Variants in RBFOX1 observed in about 807,000 individuals in gnomAD.
RBFOX1 encodes the protein RNA binding fox-1 homolog 1.
RBFOX1 carries 8 observed loss-of-function variants against 57.7 expected under a neutral mutation model. That is an observed-to-expected ratio of 0.14 (90% CI 0.08 to 0.25). The LOEUF (loss-of-function observed/expected upper bound fraction) is 0.25, where lower values mean the gene tolerates loss of function less well. RBFOX1 is among the 10% of genes least tolerant of loss of function. RBFOX1 has a pLI of 1.00. For synonymous variants in RBFOX1, 326 were observed against 222.4 expected, an observed-to-expected ratio of 1.47 and a Z score of -4.15; for missense variants, 611 against 548.5, an observed-to-expected ratio of 1.11 and a Z score of -1.14.
rs377716828 is a variant in RBFOX1 at position 7,685,860 on chromosome 16, C to A, written c.995+9022C>A. On this transcript the variant is annotated intron_variant, in intron 14 of 15. Coordinates refer to ENST00000550418, the MANE Select transcript of RBFOX1 (RefSeq NM_018723.4). ...AGATCTTTTATTCTCATTGGACCTA[C>A]TCTGATATAGACATGCACTAGCAAA... 3.9e-5 allele frequency among the ~76,000 whole-genome samples: 6 copies of A among 152,088 alleles called. No individual in the cohort carries two copies. In the East Asian group the frequency reaches 9.7e-4, roughly 25 times the overall value.
chr16:6,922,011 G>C (rs1259231529), intron 3 of RBFOX1, among the ~76,000 whole-genome samples: 1 of 152,100 alleles, frequency 6.6e-6, no homozygotes, highest in African/African-American at 2.4e-5. Flanking sequence ...CTAACACCTT[G>C]TGGCTATTTA....
At chr16:7,213,362 T>C (rs1312129676) in intron 4 of RBFOX1, among the ~76,000 whole-genome samples, 2 of 152,180 alleles carry the variant, frequency 1.3e-5, no homozygotes, top group Non-Finnish European at 2.9e-5. Context: ...AATACGGGAC[T>C]CAGTGATCAG....
At chr16:7,301,814 T>A (rs1170153820) in intron 4 of RBFOX1, among the ~76,000 whole-genome samples, 20 of 151,962 alleles carry the variant, frequency 1.3e-4, no homozygotes, top group Admixed American at 1.3e-3. Flanking sequence ...CAGTAAAGAA[T>A]GGGAAAGGGA....
rs755410792 is a variant in RBFOX1, at chr16:6,169,198, G to T, written c.-126-147797G>T. Among the ~76,000 whole-genome samples, 39 of 152,138 alleles carry T rather than the reference G, an allele frequency of 2.6e-4. 1 individual carries two copies. The highest frequency in any genetic ancestry group is 4.7e-4 in the Non-Finnish European group (32 of 68,042). ...ATGATCACTGACCTTTAGCTCTAGG[G>T]TCATTGACTTGGTAGATGGAACTTG... On this transcript the variant is annotated intron_variant, in intron 1 of 15. Coordinates refer to ENST00000550418, the MANE Select transcript of RBFOX1 (RefSeq NM_018723.4).
intron 3 of RBFOX1, among the ~76,000 whole-genome samples, chr16:7,047,800 C>G (rs1431677228): frequency 1.8e-5 from 2 of 113,998 alleles, no homozygotes; most frequent in South Asian, 3.0e-4. Context: ...TTTATGTACT[C>G]AAGTTTACTT....
intron 4 of RBFOX1, among the ~76,000 whole-genome samples, chr16:7,221,147 C>T (rs1451506107): frequency 6.6e-6 from 1 of 152,066 alleles, no homozygotes; most frequent in Admixed American, 6.6e-5. Flanking sequence ...ACTTGAATGT[C>T]TCTATAATAT....
chr16:7,460,370 A>AATATATATATATATATATAT lies in RBFOX1; in HGVS notation c.28-57776_28-57757dup, dbSNP rs879898472. Among the ~76,000 whole-genome samples, 218 of 75,490 alleles carry AATATATATATATATATATAT rather than the reference A, an allele frequency of 2.9e-3. 2 individuals carry two copies. Among genetic ancestry groups the AATATATATATATATATATAT allele is most frequent in the Middle Eastern group, 8.3e-3 (1 of 120 alleles). The allele number at this position is 75,490 out of a possible 152,430, so 49.5% of individuals were successfully genotyped here. ...ATGATTTGCCTTAATCATTTAGCAA[A>AATATATATATATATATATAT]ATATATATATATATATATATGTGTG... On this transcript the variant is annotated intron_variant, in intron 4 of 15. Transcript: ENST00000550418.
chr16:6,856,227 C>G (rs1197430761), intron 3 of RBFOX1, among the ~76,000 whole-genome samples: 1 of 152,074 alleles, frequency 6.6e-6, no homozygotes, highest in Non-Finnish European at 1.5e-5. Context: ...CGAGAAACAT[C>G]TGAATCATCA....
chr16:5,735,595 A>T (rs1474028410), intron 3 of RBFOX1, among the ~76,000 whole-genome samples: 2 of 151,942 alleles, frequency 1.3e-5, no homozygotes, highest in Admixed American at 1.3e-4. Context: ...TTAGTTGTCC[A>T]TGTAATAAGT....
chr16:7,510,589 G>T (rs564124281), intron 4 of RBFOX1, among the ~76,000 whole-genome samples: 1 of 152,190 alleles, frequency 6.6e-6, no homozygotes, highest in Admixed American at 6.5e-5. Context: ...GCAGGTTAAT[G>T]GTGTCCTTTT....
intron 3 of RBFOX1, among the ~76,000 whole-genome samples, chr16:6,658,406 A>G (rs141305738): frequency 8.6e-5 from 13 of 151,958 alleles, no homozygotes; most frequent in Non-Finnish European, 1.8e-4. Context: ...GTGGGGTTTT[A>G]CCATGTTGGC....
chr16:6,733,097 C>T (rs1274667187), intron 3 of RBFOX1, among the ~76,000 whole-genome samples: 5 of 152,066 alleles, frequency 3.3e-5, no homozygotes, highest in East Asian at 1.9e-4. Flanking sequence ...ATGCTGAAAA[C>T]AGAAATATAT....
chr16:5,774,625 T>C (rs529051223), intron 3 of RBFOX1, among the ~76,000 whole-genome samples: 8 of 152,338 alleles, frequency 5.3e-5, no homozygotes, highest in African/African-American at 1.9e-4. Context: ...TGGTGTCTAC[T>C]GTGTAACAGG....
intron 2 of RBFOX1, among the ~76,000 whole-genome samples, chr16:5,515,341 C>A: frequency 6.6e-6 from 1 of 152,220 alleles, no homozygotes; most frequent in South Asian, 2.1e-4. Context: ...GCAAAGCCCC[C>A]ACCTCACTGT....
intron 4 of RBFOX1, among the ~76,000 whole-genome samples, chr16:7,275,686 C>T (rs796552383): frequency 6.6e-6 from 1 of 152,220 alleles, no homozygotes; most frequent in Non-Finnish European, 1.5e-5. Context: ...GACACACTCT[C>T]TCCCAGGATT....
chr16:6,948,375 C>CTTTTTTTTTTTTTTTTTTT (rs968186299), intron 3 of RBFOX1, among the ~76,000 whole-genome samples: 4 of 67,968 alleles, frequency 5.9e-5, no homozygotes, highest in Non-Finnish European at 8.5e-5. Flanking sequence ...TTCTCCCTTT[C>CTTTTTTTTTTTTTTTTTTT]TTTTTTTTTT....
intron 1 of RBFOX1, among the ~76,000 whole-genome samples, chr16:6,022,690 A>C (rs1017183179): frequency 1.3e-5 from 2 of 152,222 alleles, no homozygotes; most frequent in Non-Finnish European, 2.9e-5. Context: ...CCTCAAAAAC[A>C]AAACAAAACA....
chr16:6,325,530 AAAG>A, intron 2 of RBFOX1, among the ~76,000 whole-genome samples: 1 of 152,326 alleles, frequency 6.6e-6, no homozygotes, highest in Admixed American at 6.5e-5. Flanking sequence ...CATTTAAACT[AAAG>A]AGTAGCTCTG....
intron 14 of RBFOX1, among the ~76,000 whole-genome samples, chr16:7,679,980 C>G (rs1186620290): frequency 6.6e-6 from 1 of 152,168 alleles, no homozygotes. Flanking sequence ...TATTTCTAAT[C>G]TCACTTTGAT....
Sources: gnomAD v4.1 joint callset for allele counts (sites outside exome capture counted in the v4.1 genomes callset) on GRCh38, gnomAD v4.1.1 for gene constraint, MANE v1.5 for transcripts, NCBI Gene and HGNC (gene_info 2026-07-23, HGNC 2026-07-21) for gene names.